The following CTNNA2 variants were observed in gnomAD, a reference collection of about 807,000 sequenced individuals.
CTNNA2 encodes catenin alpha 2.
In CTNNA2, 42 loss-of-function variants were observed where a neutral mutation model predicts 101.0. The observed-to-expected ratio is 0.42, with a 90% CI of 0.32 to 0.54. The LOEUF is 0.54. CTNNA2 is among the 20% of genes least tolerant of loss of function. The pLI is 0.14. For missense variants in CTNNA2, 871 were observed against 1,223.1 expected (o/e 0.71, Z 4.29); for synonymous variants, 450 against 456.4 (o/e 0.99, Z 0.18).
chr2:80,168,168 C>A (rs992039538), intron 7 of CTNNA2, among the ~76,000 whole-genome samples: 1 of 152,088 alleles, frequency 6.6e-6, no homozygotes, highest in Non-Finnish European at 1.5e-5. Flanking sequence ...AGGAAAGGAG[C>A]AGAGGTATTT....
At chr2:80,174,396 C>T (rs1705266384) in intron 7 of CTNNA2, among the ~76,000 whole-genome samples, 1 of 152,138 alleles carries the variant, frequency 6.6e-6, no homozygotes, top group East Asian at 1.9e-4. Context: ...CAGGCACTCA[C>T]CCTGACTCCT....
chr2:79,725,416 G>A (rs1186088618), intron 2 of CTNNA2, among the ~76,000 whole-genome samples: 1 of 152,146 alleles, frequency 6.6e-6, no homozygotes, highest in Non-Finnish European at 1.5e-5. Flanking sequence ...AGAAAGCATA[G>A]TAAGTGCCTA....
chr2:79,399,612 A>C (rs777242956), intron 4 of CTNNA2, among the ~76,000 whole-genome samples: 23 of 152,126 alleles, frequency 1.5e-4, no homozygotes, highest in Non-Finnish European at 2.9e-4. Context: ...CAGCAGTAAC[A>C]ACAAGCCCAG....
chr2:79,658,217 C>G (rs117505512), intron 2 of CTNNA2, among the ~76,000 whole-genome samples: 1 of 151,910 alleles, frequency 6.6e-6, no homozygotes, highest in Non-Finnish European at 1.5e-5. Flanking sequence ...GCTTTAGAGT[C>G]AGAGAGGCTC....
At position 79,234,828 on chromosome 2, in the gene CTNNA2, A is replaced by C. The variant is rs1278706692; in HGVS notation, c.-406+36752A>C. The stretch of plus-strand genomic sequence containing the variant: ...TTCAGCTTGATCTATTCTGCTATTG[A>C]TACTTCCAATTGTGTTGTGGAATTC... On this transcript the variant is annotated intron_variant, in intron 2 of 21. Coordinates refer to the CTNNA2 transcript ENST00000466387. 1.3e-5 allele frequency among the ~76,000 whole-genome samples: 2 copies of C among 152,140 alleles called. 1 individual carries two copies. The highest frequency in any genetic ancestry group is 4.1e-4 in the South Asian group (2 of 4,826).
intron 7 of CTNNA2, among the ~76,000 whole-genome samples, chr2:80,229,402 T>A (rs1035831526): frequency 6.6e-6 from 1 of 151,566 alleles, no homozygotes; most frequent in African/African-American, 2.4e-5. Flanking sequence ...TCCCCAGGTT[T>A]AATAATTGTT....
intron 1 of CTNNA2, among the ~76,000 whole-genome samples, chr2:79,601,740 A>G (rs1458250310): frequency 6.6e-6 from 1 of 152,214 alleles, no homozygotes; most frequent in African/African-American, 2.4e-5. Context: ...CTTCCATAGG[A>G]GTTAAGCTGT....
chr2:79,819,397 C>T (rs920978642), intron 3 of CTNNA2, among the ~76,000 whole-genome samples: 2 of 152,152 alleles, frequency 1.3e-5, no homozygotes, highest in Admixed American at 6.5e-5. Context: ...TCTGTCTCTT[C>T]TACTCTTTGA....
chr2:79,663,458 G>T (rs1682181170), intron 2 of CTNNA2, among the ~76,000 whole-genome samples: 1 of 152,254 alleles, frequency 6.6e-6, no homozygotes, highest in Non-Finnish European at 1.5e-5. Context: ...TCAAGGCTCA[G>T]AGCCCTTCTT....
At chr2:79,953,099 C>A (rs1688997910) in intron 7 of CTNNA2, among the ~76,000 whole-genome samples, 1 of 152,152 alleles carries the variant, frequency 6.6e-6, no homozygotes, top group African/African-American at 2.4e-5. Context: ...GACATCGAGG[C>A]ATGTGGGTCC....
chr2:79,221,430 T>C (rs79433704), intron 2 of CTNNA2, among the ~76,000 whole-genome samples: 13,038 of 152,274 alleles, frequency 0.086, 666 homozygotes, highest in Middle Eastern at 0.17. Context: ...ATTACAGGCA[T>C]GAGCCACTGC....
At chr2:80,172,869 CA>C (rs1705155183) in intron 7 of CTNNA2, among the ~76,000 whole-genome samples, 1 of 152,302 alleles carries the variant, frequency 6.6e-6, no homozygotes, top group African/African-American at 2.4e-5. Context: ...CGTTATTTAT[CA>C]AAACACTGGC....
At chr2:80,165,730 TG>T (rs1212948719) in intron 7 of CTNNA2, among the ~76,000 whole-genome samples, 1 of 152,196 alleles carries the variant, frequency 6.6e-6, no homozygotes, top group Middle Eastern at 3.2e-3. Context: ...TCTGATGTCA[TG>T]TCAACAGAGT....
intron 7 of CTNNA2, among the ~76,000 whole-genome samples, chr2:80,084,220 A>C (rs1369521530): frequency 1.3e-5 from 2 of 152,146 alleles, no homozygotes; most frequent in Admixed American, 6.6e-5. Context: ...GGGAAATAGA[A>C]ATGAAATCAC....
chr2:79,735,216 T>C (rs1352897654), intron 2 of CTNNA2, among the ~76,000 whole-genome samples: 2 of 152,164 alleles, frequency 1.3e-5, no homozygotes, highest in Non-Finnish European at 2.9e-5. Context: ...TATTTAAATA[T>C]GAAACATCGT....
intron 4 of CTNNA2, among the ~76,000 whole-genome samples, chr2:79,458,685 A>G (rs1412765973): frequency 2.0e-5 from 3 of 152,190 alleles, no homozygotes; most frequent in Non-Finnish European, 4.4e-5. Context: ...TATATTTGCC[A>G]TGCTTTACAG....
chr2:80,416,803 T>A (rs2149402574), intron 8 of CTNNA2, among the ~76,000 whole-genome samples: 1 of 152,192 alleles, frequency 6.6e-6, no homozygotes, highest in African/African-American at 2.4e-5. Flanking sequence ...AGAACAATAT[T>A]CTGAGTTCTT....
At position 79,651,619 on chromosome 2, in the gene CTNNA2, G is replaced by A. The variant is rs765981041; in HGVS notation, c.63G>A (p.Thr21=). The change falls in exon 2 of 19, where the codon ACG becomes ACA. Residue 21 remains threonine, a synonymous_variant. Transcript: ENST00000402739. ...ACCCCAAAAGTTTGGAAATCCGGAC[G>A]CTAACAGTGGAAAGGCTGTTGGAGC... ...KWDPKSLEIR[T]LTVERLLEPL... 1.4e-5 allele frequency: 22 copies of A among 1,613,800 alleles called. No homozygotes were observed. The highest frequency in any genetic ancestry group is 6.6e-5 in the South Asian group (6 of 91,078).
chr2:80,302,951 T>C lies in CTNNA2; in HGVS notation c.1057-90260T>C, dbSNP rs1573646135. On this transcript the variant is annotated intron_variant, in intron 7 of 18. Coordinates refer to ENST00000402739, the MANE Select transcript of CTNNA2 (RefSeq NM_001282597.3). This position sits in a 1 kb window ranked among gnomAD's most constrained non-coding sequence, Gnocchi z 6.4. The stretch of plus-strand genomic sequence containing the variant: ...CCGGGGCTCGATGTAGGTGAGGCGG[T>C]TGGAGTCCAGCTGCAGGGACTGCAG... 1 of 1,613,614 alleles carries C rather than the reference T, an allele frequency of 6.2e-7. No homozygotes were observed. Among genetic ancestry groups the C allele is most frequent in the Admixed American group, 1.7e-5 (1 of 59,950 alleles).
Sources: gnomAD v4.1 joint callset for allele counts (sites outside exome capture counted in the v4.1 genomes callset) on GRCh38, gnomAD v4.1.1 for gene constraint, Gnocchi (gnomAD v3.1) non-coding constraint, MANE v1.5 for transcripts, NCBI Gene and HGNC (gene_info 2026-07-23, HGNC 2026-07-21) for gene names.